Variants in ARID1B observed in about 807,000 individuals in gnomAD.
ARID1B encodes the protein AT-rich interaction domain 1B.
In ARID1B, 30 loss-of-function variants were observed where a neutral mutation model predicts 212.3. That is an observed-to-expected ratio of 0.14 (90% confidence interval 0.11 to 0.19). ARID1B has a LOEUF of 0.19. Ranked by LOEUF, ARID1B falls within the 10% of genes least tolerant of loss-of-function variation. The pLI, the probability that ARID1B is intolerant of heterozygous loss-of-function variation, is 1.00. For missense variants in ARID1B, 2,891 were observed against 3,204.0 expected (o/e 0.90, Z 2.36); for synonymous variants, 1,402 against 1,301.7 (o/e 1.08, Z -1.66).
chr6:156,870,728 TA>T (rs35395270), intron 2 of ARID1B, among the ~76,000 whole-genome samples: 360 of 143,852 alleles, frequency 2.5e-3, no homozygotes, highest in Middle Eastern at 3.6e-3. Context: ...ATGGTAGTGT[TA>T]AAAAAAAAAA....
At position 157,066,345 on chromosome 6, in the gene ARID1B, C is replaced by T. The variant is rs1783675365; in HGVS notation, c.2248-18317C>T. 2.0e-5 allele frequency among the ~76,000 whole-genome samples: 3 copies of T among 152,114 alleles called. No individual in the cohort carries two copies. In the South Asian group the frequency reaches 6.2e-4, roughly 32 times the overall value. ...GAAAAGGTGTAGTTCAATTCTTTTCCATTTTGGTTTTACTATTCTTCCTTC... is the reference window on the plus strand; with the variant it reads ...GAAAAGGTGTAGTTCAATTCTTTTCTATTTTGGTTTTACTATTCTTCCTTC... On this transcript the variant is annotated intron_variant, in intron 4 of 19. Transcript: ENST00000636930.
chr6:157,093,112 G>A (rs1785382902), intron 5 of ARID1B, among the ~76,000 whole-genome samples: 1 of 152,106 alleles, frequency 6.6e-6, no homozygotes, highest in South Asian at 2.1e-4. Flanking sequence ...CAGAATGGAG[G>A]GGTACAAAAG....
intron 4 of ARID1B, among the ~76,000 whole-genome samples, chr6:157,021,967 TC>T (rs1445135469): frequency 1.3e-5 from 2 of 152,124 alleles, no homozygotes; most frequent in Non-Finnish European, 1.5e-5. Flanking sequence ...TTCCCCTACT[TC>T]CTTTGGTGCA....
At chr6:156,923,941 T>C (rs1791013726) in intron 3 of ARID1B, among the ~76,000 whole-genome samples, 1 of 152,172 alleles carries the variant, frequency 6.6e-6, no homozygotes, top group Admixed American at 6.5e-5. Flanking sequence ...GCGATCTTCC[T>C]GCCTCAGCCT....
chr6:157,099,568 T>C (rs1357253373), intron 5 of ARID1B, among the ~76,000 whole-genome samples: 2 of 152,234 alleles, frequency 1.3e-5, no homozygotes, highest in African/African-American at 2.4e-5. Flanking sequence ...TTTGAATCTA[T>C]GATAGCAGGC....
rs373330002 is a variant in ARID1B, at chr6:157,028,991, A to G, written c.2248-55671A>G. Among the ~76,000 whole-genome samples the G allele has an allele frequency of 1.7e-4, 26 of 152,348 alleles. No individual in the cohort carries two copies. The South Asian group carries it at 3.7e-3, about 22-fold the overall frequency. ...TACTGTAGTCTAACTGGAGTTATTT[A>G]TTGGTATGATTCAAGTCTAGAAGTC... On this transcript the variant is annotated intron_variant, in intron 4 of 19. Transcript: ENST00000636930.
intron 6 of ARID1B, among the ~76,000 whole-genome samples, chr6:157,126,015 C>T (rs755852706): frequency 2.6e-5 from 4 of 152,162 alleles, no homozygotes; most frequent in African/African-American, 2.4e-5. Flanking sequence ...CTCTCTTATT[C>T]CTACCACAGT....
At chr6:157,099,471 C>T (rs1785908228) in intron 5 of ARID1B, among the ~76,000 whole-genome samples, 1 of 151,814 alleles carries the variant, frequency 6.6e-6, no homozygotes, top group Admixed American at 6.6e-5. Flanking sequence ...GTCTTACCCT[C>T]GCACCTGTCA....
At chr6:156,858,575 G>A (rs536134491) in intron 2 of ARID1B, among the ~76,000 whole-genome samples, 1 of 152,110 alleles carries the variant, frequency 6.6e-6, no homozygotes, top group Non-Finnish European at 1.5e-5. Context: ...AGACGATCCT[G>A]GCCAACATGG....
intron 4 of ARID1B, among the ~76,000 whole-genome samples, chr6:157,010,227 C>G (rs1445785242): frequency 6.7e-6 from 1 of 148,482 alleles, no homozygotes; most frequent in African/African-American, 2.5e-5. Context: ...TACTCCTGAT[C>G]AGTAAAATTC....
chr6:157,155,356 G>A (rs929360341), intron 8 of ARID1B, among the ~76,000 whole-genome samples: 9 of 152,012 alleles, frequency 5.9e-5, no homozygotes, highest in African/African-American at 1.9e-4. Flanking sequence ...ATATTGACAC[G>A]GATAAAGGTG....
intron 6 of ARID1B, among the ~76,000 whole-genome samples, chr6:157,119,919 A>G (rs1334381056): frequency 6.6e-6 from 1 of 152,238 alleles, no homozygotes; most frequent in Non-Finnish European, 1.5e-5. Flanking sequence ...TTTAGGTACA[A>G]GCTTTATCAC....
chr6:156,848,635 TG>T (rs1436761322), intron 2 of ARID1B, among the ~76,000 whole-genome samples: 3 of 152,236 alleles, frequency 2.0e-5, no homozygotes, highest in Non-Finnish European at 4.4e-5. Context: ...TGTGCATTTT[TG>T]GTGCCCTGGA....
chr6:156,971,422 T>C (rs1776917077), intron 4 of ARID1B, among the ~76,000 whole-genome samples: 1 of 152,226 alleles, frequency 6.6e-6, no homozygotes, highest in South Asian at 2.1e-4. Flanking sequence ...GAAAGAACTT[T>C]GTGTGTGCAC....
chr6:156,915,114 T>C (rs1227524360), intron 3 of ARID1B, among the ~76,000 whole-genome samples: 2 of 152,244 alleles, frequency 1.3e-5, no homozygotes, highest in Non-Finnish European at 2.9e-5. Context: ...TTGAAGAAGG[T>C]AAATGTTTAC....
At chr6:156,868,441 G>A (rs1488543575) in intron 2 of ARID1B, among the ~76,000 whole-genome samples, 2 of 152,216 alleles carry the variant, frequency 1.3e-5, no homozygotes, top group East Asian at 1.9e-4. Flanking sequence ...TAAACTGGGT[G>A]GCTTATAAAA....
chr6:156,905,231 A>G (rs955214667), intron 3 of ARID1B, among the ~76,000 whole-genome samples: 3 of 129,178 alleles, frequency 2.3e-5, no homozygotes, highest in Non-Finnish European at 3.3e-5. Context: ...AATAGAATCA[A>G]TTGTGCTCAC....
At position 157,201,077 on chromosome 6, in the gene ARID1B, C is replaced by T. The variant is rs2128374412; in HGVS notation, c.4852C>T (p.Arg1618Cys). 3.7e-6 allele frequency: 6 copies of T among 1,614,156 alleles called. No individual in the cohort carries two copies. In the South Asian group the frequency reaches 5.5e-5, roughly 15 times the overall value. ...TQAPPYPGMNRTDDMMVPDQR... is the reference protein window; with the variant it reads ...TQAPPYPGMNCTDDMMVPDQR... ...GGCGCCCCCTTACCCAGGCATGAAC[C>T]GCACAGACGATATGATGGTACCCGA... Residue 1618 changes from arginine to cysteine, a missense_variant, in exon 18 of 20, where the codon CGC (arginine) becomes TGC (cysteine). Transcript: ENST00000636930. This position sits in a 1 kb window ranked among gnomAD's most constrained non-coding sequence, Gnocchi z 5.2.
At chr6:156,970,071 TTG>T in intron 4 of ARID1B, among the ~76,000 whole-genome samples, 1 of 148,468 alleles carries the variant, frequency 6.7e-6, no homozygotes, top group East Asian at 2.1e-4. Context: ...TGTGTTTTGT[TTG>T]TTGTTTTGTT....
Sources: allele counts gnomAD v4.1 joint callset (sites outside exome capture counted in the v4.1 genomes callset), GRCh38; gene constraint gnomAD v4.1.1; non-coding constraint Gnocchi (gnomAD v3.1); transcripts MANE v1.5; gene names NCBI Gene and HGNC (gene_info 2026-07-23, HGNC 2026-07-21).